Variants in PGM5 observed in about 807,000 individuals in gnomAD.
The protein encoded by PGM5 is phosphoglucomutase-like protein 5.
In PGM5, 23 loss-of-function variants were observed where a neutral mutation model predicts 59.2. The ratio of observed to expected loss-of-function variants is 0.39; its 90% CI spans 0.28 to 0.55. The LOEUF is 0.55. Ranked by LOEUF, PGM5 falls within the 20% of genes least tolerant of loss-of-function variation. The pLI is 0.66. For missense variants in PGM5, 574 were observed against 748.3 expected (o/e 0.77, Z 2.72); for synonymous variants, 214 against 286.0 (o/e 0.75, Z 2.54).
At chr9:68,510,532 T>A (rs62548561) in intron 10 of PGM5, among the ~76,000 whole-genome samples, 1,902 of 152,252 alleles carry the variant, frequency 0.012, 23 homozygotes, top group Non-Finnish European at 0.016. Context: ...TCAGTCAAAT[T>A]GAGATAGATA....
intron 6 of PGM5, among the ~76,000 whole-genome samples, chr9:68,452,265 T>C (rs892706536): frequency 1.3e-5 from 2 of 152,198 alleles, no homozygotes; most frequent in East Asian, 3.9e-4. Flanking sequence ...TTGCTTGTTT[T>C]CTGGCAGTTA....
chr9:68,432,712 TCTC>T (rs1420910598), intron 6 of PGM5, among the ~76,000 whole-genome samples: 1 of 152,026 alleles, frequency 6.6e-6, no homozygotes, highest in Non-Finnish European at 1.5e-5. Context: ...TTCAAGCCAT[TCTC>T]CTGTCTCATC....
chr9:68,495,091 C>T (rs1376633843), intron 9 of PGM5, among the ~76,000 whole-genome samples: 1 of 152,164 alleles, frequency 6.6e-6, no homozygotes, highest in Non-Finnish European at 1.5e-5. Context: ...GCTCTGTCCT[C>T]CCAGAGCTTG....
At chr9:68,402,404 A>G (rs1334891897) in intron 6 of PGM5, 1 of 152,280 alleles carries the variant, frequency 6.6e-6, no homozygotes, top group Non-Finnish European at 1.5e-5. Context: ...TAGGGGCAAG[A>G]ATCATTGCTC....
At chr9:68,381,199 G>A (rs558291745) in intron 2 of PGM5, among the ~76,000 whole-genome samples, 1 of 151,794 alleles carries the variant, frequency 6.6e-6, no homozygotes, top group African/African-American at 2.4e-5. Context: ...ACACATTAAA[G>A]AAATTATGAA....
chr9:68,375,825 G>A (rs13290852), intron 1 of PGM5, among the ~76,000 whole-genome samples: 3 of 152,184 alleles, frequency 2.0e-5, no homozygotes, highest in Admixed American at 6.5e-5. Flanking sequence ...TGCTATCTCT[G>A]ATTAGCTTAC....
chr9:68,502,422 T>G (rs1415832401), intron 10 of PGM5, among the ~76,000 whole-genome samples: 1 of 152,206 alleles, frequency 6.6e-6, no homozygotes, highest in Non-Finnish European at 1.5e-5. Flanking sequence ...ATTATTAGCT[T>G]CTCGTTGACC....
intron 9 of PGM5, among the ~76,000 whole-genome samples, chr9:68,484,453 T>A (rs1383176347): frequency 6.7e-6 from 1 of 149,624 alleles, no homozygotes; most frequent in Non-Finnish European, 1.5e-5. Context: ...GGTGGGAGGA[T>A]CGCTTGAGCC....
intron 4 of PGM5, among the ~76,000 whole-genome samples, chr9:68,388,572 G>A (rs1554679119): frequency 6.6e-6 from 1 of 151,996 alleles, no homozygotes; most frequent in Non-Finnish European, 1.5e-5. Flanking sequence ...ACATTTTGGA[G>A]GAACACATTC....
At chr9:68,374,582 TG>T (rs1821830579) in intron 1 of PGM5, among the ~76,000 whole-genome samples, 1 of 150,310 alleles carries the variant, frequency 6.7e-6, no homozygotes, top group Admixed American at 6.7e-5. Flanking sequence ...TGGGGCTTGA[TG>T]GGGGCTGGAG....
chr9:68,376,194 C>T (rs1190931159), intron 1 of PGM5, among the ~76,000 whole-genome samples: 1 of 152,132 alleles, frequency 6.6e-6, no homozygotes, highest in Non-Finnish European at 1.5e-5. Context: ...TTTAAAAATG[C>T]AATCAGGTCA....
intron 1 of PGM5, among the ~76,000 whole-genome samples, chr9:68,375,450 C>T (rs1739136746): frequency 6.6e-6 from 1 of 152,212 alleles, no homozygotes; most frequent in South Asian, 2.1e-4. Flanking sequence ...TTGGCTTTAG[C>T]CTAGTCCAAG....
At chr9:68,374,152 T>C (rs1186812952) in intron 1 of PGM5, among the ~76,000 whole-genome samples, 1 of 152,266 alleles carries the variant, frequency 6.6e-6, no homozygotes, top group African/African-American at 2.4e-5. Flanking sequence ...GTCACCACTA[T>C]ACAATCTTCA....
chr9:68,518,781 G>A (rs1335585401), intron 10 of PGM5, among the ~76,000 whole-genome samples: 1 of 152,204 alleles, frequency 6.6e-6, no homozygotes, highest in East Asian at 1.9e-4. Context: ...ATACAGAATA[G>A]AGGGTAAGAG....
At chr9:68,465,027 T>C in intron 6 of PGM5, 66 bp from the exon 7 acceptor site, 3 of 998,512 alleles carry the variant, frequency 3.0e-6, no homozygotes, top group Non-Finnish European at 4.7e-6. Flanking sequence ...GACTTCCTAC[T>C]GTGCTGAGAA....
intron 1 of PGM5, among the ~76,000 whole-genome samples, chr9:68,371,286 C>T (rs1821722120): frequency 1.3e-5 from 2 of 152,194 alleles, no homozygotes; most frequent in Non-Finnish European, 2.9e-5. Flanking sequence ...CTGGATTTCA[C>T]TCAGGAATGA....
In PGM5 at chr9:68,414,711, C is replaced by A. The variant is rs200479634; in HGVS notation, c.1043+22238C>A. On this transcript the variant is annotated intron_variant, in intron 6 of 10. Transcript: ENST00000396396. Reference sequence around the variant, plus strand: ...AGTTACAGAAATAATGGTTAAGGTACACTGGTGGTACGAAGAAGGGACGAA... The same window carrying A: ...AGTTACAGAAATAATGGTTAAGGTAAACTGGTGGTACGAAGAAGGGACGAA... 1.3e-3 allele frequency among the ~76,000 whole-genome samples: 202 copies of A among 151,972 alleles called. 1 individual carries two copies. In the East Asian group the frequency reaches 0.035, roughly 26 times the overall value.
intron 1 of PGM5, among the ~76,000 whole-genome samples, chr9:68,358,383 G>A (rs1834511260): frequency 1.3e-5 from 2 of 151,980 alleles, no homozygotes; most frequent in African/African-American, 4.8e-5. Flanking sequence ...CCATATCCCA[G>A]TTTCCTCTTT....
intron 2 of PGM5, among the ~76,000 whole-genome samples, chr9:68,380,368 A>C (rs1439434643): frequency 6.6e-6 from 1 of 152,032 alleles, no homozygotes; most frequent in Admixed American, 6.6e-5. Context: ...AGAAGAAATC[A>C]ACAGGGAAAT....
Sources: allele counts gnomAD v4.1 joint callset (sites outside exome capture counted in the v4.1 genomes callset), GRCh38; gene constraint gnomAD v4.1.1; transcripts MANE v1.5; gene names NCBI Gene and HGNC (gene_info 2026-07-23, HGNC 2026-07-21).